The following GRID2 variants were observed in gnomAD, a reference collection of about 807,000 sequenced individuals.
The protein encoded by GRID2 is glutamate receptor ionotropic, delta-2.
GRID2 carries 33 observed loss-of-function variants against 114.8 expected under a neutral mutation model. The observed-to-expected ratio is 0.29, with a 90% CI of 0.22 to 0.38. The LOEUF (loss-of-function observed/expected upper bound fraction) is 0.38, where lower values mean the gene tolerates loss of function less well. Ranked by LOEUF, GRID2 falls within the 10% of genes least tolerant of loss-of-function variation. GRID2 has a pLI of 1.00. For synonymous variants in GRID2, 505 were observed against 449.9 expected (o/e 1.12, Z -1.55); for missense variants, 1,184 against 1,257.7 (o/e 0.94, Z 0.89).
At position 92,688,520 on chromosome 4, in the gene GRID2, C is replaced by T. The variant is rs567117913; in HGVS notation, c.244+98234C>T. On this transcript the variant is annotated intron_variant, in intron 2 of 15. Coordinates refer to ENST00000282020, the MANE Select transcript of GRID2 (RefSeq NM_001510.4). ...GTCATTTAAACAGTATTCCCAACAT[C>T]TTTACCAAAAATAGATTCCACATCA... 2.6e-5 allele frequency among the ~76,000 whole-genome samples: 4 copies of T among 152,290 alleles called. 1 individual carries two copies. In the South Asian group the frequency reaches 8.3e-4, roughly 32 times the overall value.
chr4:93,438,448 T>C (rs1274532660), intron 10 of GRID2, among the ~76,000 whole-genome samples: 1 of 152,092 alleles, frequency 6.6e-6, no homozygotes, highest in Non-Finnish European at 1.5e-5. Context: ...TTGCACTTTA[T>C]CATTTAGCCA....
chr4:93,781,913 A>C (rs1322993604), intron 1 of GRID2, among the ~76,000 whole-genome samples: 1 of 152,166 alleles, frequency 6.6e-6, no homozygotes, highest in Admixed American at 6.5e-5. Flanking sequence ...TGGATAATAC[A>C]TTACTGACAA....
At chr4:92,312,259 A>G (rs925169577) in intron 1 of GRID2, among the ~76,000 whole-genome samples, 1 of 152,122 alleles carries the variant, frequency 6.6e-6, no homozygotes, top group African/African-American at 2.4e-5. Flanking sequence ...ATGGTAAGGT[A>G]TTTAAATCTT....
chr4:93,551,106 A>G (rs1231494394), intron 13 of GRID2, among the ~76,000 whole-genome samples: 1 of 152,246 alleles, frequency 6.6e-6, no homozygotes, highest in Non-Finnish European at 1.5e-5. Flanking sequence ...TATGTGAAAC[A>G]TTTAGAAGAG....
At chr4:93,112,403 G>C (rs910014182) in intron 4 of GRID2, among the ~76,000 whole-genome samples, 1 of 151,980 alleles carries the variant, frequency 6.6e-6, no homozygotes, top group African/African-American at 2.4e-5. Flanking sequence ...TCATGGGGGC[G>C]GTTTCCCCCA....
chr4:93,664,465 C>T (rs1484484581), intron 14 of GRID2, among the ~76,000 whole-genome samples: 6 of 152,126 alleles, frequency 3.9e-5, no homozygotes, highest in African/African-American at 1.4e-4. Context: ...ATAAGGGCAG[C>T]AATGTGAAGT....
At chr4:93,442,043 T>G (rs1413235973) in intron 10 of GRID2, among the ~76,000 whole-genome samples, 1 of 152,036 alleles carries the variant, frequency 6.6e-6, no homozygotes, top group East Asian at 1.9e-4. Flanking sequence ...GATTTACTTC[T>G]CATAGAGACA....
chr4:92,873,792 G>A (rs138013269), intron 2 of GRID2, among the ~76,000 whole-genome samples: 2,691 of 152,142 alleles, frequency 0.018, 40 homozygotes, highest in Non-Finnish European at 0.028. Context: ...TCGGCTCACC[G>A]CAACTTCCAC....
At chr4:92,337,343 A>T (rs1464941372) in intron 1 of GRID2, among the ~76,000 whole-genome samples, 1 of 152,084 alleles carries the variant, frequency 6.6e-6, no homozygotes, top group Non-Finnish European at 1.5e-5. Flanking sequence ...TGAGTTCAGG[A>T]ATTCATTGAA....
At chr4:93,442,397 C>T (rs1035647191) in intron 10 of GRID2, among the ~76,000 whole-genome samples, 8 of 151,988 alleles carry the variant, frequency 5.3e-5, no homozygotes, top group African/African-American at 1.4e-4. Flanking sequence ...TATAGCATTA[C>T]CTCTTGGGAA....
intron 14 of GRID2, among the ~76,000 whole-genome samples, chr4:93,712,934 G>T (rs1175978104): frequency 3.9e-5 from 6 of 152,094 alleles, no homozygotes; most frequent in African/African-American, 1.2e-4. Flanking sequence ...TATCCAGTAT[G>T]CAAGTCAGTA....
At chr4:93,554,482 G>A in intron 13 of GRID2, among the ~76,000 whole-genome samples, 1 of 151,986 alleles carries the variant, frequency 6.6e-6, no homozygotes, top group East Asian at 1.9e-4. Flanking sequence ...AAATGTACAT[G>A]TTTATGGGGT....
chr4:93,318,897 A>T (rs1054075019), intron 8 of GRID2: 11 of 152,286 alleles, frequency 7.2e-5, no homozygotes, highest in Non-Finnish European at 1.2e-4. Context: ...GATATAAAAA[A>T]TTAGGCAAAA....
intron 11 of GRID2, among the ~76,000 whole-genome samples, chr4:93,480,742 G>C (rs914058625): frequency 3.3e-5 from 5 of 151,982 alleles, no homozygotes; most frequent in Non-Finnish European, 7.4e-5. Context: ...AGTGTTATCT[G>C]AGACTTCAGA....
intron 2 of GRID2, among the ~76,000 whole-genome samples, chr4:92,957,091 G>T (rs1054875772): frequency 5.9e-5 from 9 of 151,920 alleles, no homozygotes; most frequent in Admixed American, 2.0e-4. Context: ...TTTTCTCTCA[G>T]TCTGTTGCTT....
At chr4:93,416,806 A>C (rs1767756755) in intron 9 of GRID2, among the ~76,000 whole-genome samples, 2 of 152,126 alleles carry the variant, frequency 1.3e-5, no homozygotes. Context: ...CCAACAAGTG[A>C]TGTGAATAAA....
chr4:93,298,239 A>G (rs7684707), intron 8 of GRID2, among the ~76,000 whole-genome samples: 115,039 of 152,016 alleles, frequency 0.76, 44,178 homozygotes, highest in African/African-American at 0.88. Flanking sequence ...GTTAGTTCAA[A>G]CTATTATAAC....
At chr4:92,940,101 AG>A (rs1484240042) in intron 2 of GRID2, among the ~76,000 whole-genome samples, 1 of 147,208 alleles carries the variant, frequency 6.8e-6, no homozygotes, top group Non-Finnish European at 1.5e-5. Context: ...AATTCTGTGA[AG>A]AAAGTCATTG....
intron 2 of GRID2, among the ~76,000 whole-genome samples, chr4:92,702,935 C>T (rs544723970): frequency 1.3e-5 from 2 of 152,168 alleles, no homozygotes; most frequent in East Asian, 3.9e-4. Context: ...GAAAGTTCAT[C>T]TCCCAGTTCT....
Sources: gnomAD v4.1 joint callset for allele counts (sites outside exome capture counted in the v4.1 genomes callset) on GRCh38, gnomAD v4.1.1 for gene constraint, MANE v1.5 for transcripts, NCBI Gene and HGNC (gene_info 2026-07-23, HGNC 2026-07-21) for gene names.